Variants in FAM53B observed in about 807,000 individuals in gnomAD.
FAM53B encodes the protein protein FAM53B.
Under a neutral mutation model 32.7 loss-of-function variants are expected in FAM53B, and 12 were observed. The observed-to-expected ratio is 0.37, with a 90% confidence interval of 0.24 to 0.59. The LOEUF is 0.59. FAM53B is among the 20% of genes least tolerant of loss of function. The probability of loss-of-function intolerance (pLI) is 0.72; values close to 1 mark genes in which losing one functional copy is unlikely to be tolerated. For synonymous variants in FAM53B, 234 were observed against 228.7 expected (o/e 1.02, Z -0.21); for missense variants, 477 against 577.7 (o/e 0.83, Z 1.79).
chr10:124,699,889 T>C (rs1227911493), intron 2 of FAM53B, among the ~76,000 whole-genome samples: 3 of 152,192 alleles, frequency 2.0e-5, no homozygotes, highest in African/African-American at 7.2e-5. Context: ...CACCCTGCCC[T>C]TTCTGAGGCC....
In FAM53B at chr10:124,706,744, C is replaced by T. The variant is rs1167542953; in HGVS notation, c.-31G>A. The T allele has an allele frequency of 5.0e-6, 8 of 1,613,834 alleles. No homozygotes were observed. The highest frequency in any genetic ancestry group is 6.8e-6 in the Non-Finnish European group (8 of 1,179,974). ...GGGCCTCAGGCGCTGGGCTCCATCC[C>T]AGGGTGGGTATCAGCCATCTTCACT... On this transcript the variant is annotated 5_prime_UTR_variant, in exon 2 of 5. Coordinates refer to ENST00000337318, the MANE Select transcript of FAM53B (RefSeq NM_014661.4).
At position 124,632,196 on chromosome 10, in the gene FAM53B, A is replaced by T. The variant is rs926986465; in HGVS notation, c.907-8592T>A. On this transcript the variant is annotated intron_variant, in intron 4 of 4. Transcript: ENST00000337318. ...TGGCGACGTTTCTGCACCAGGCCCC[A>T]GATGGCAGATGGCCTGCCCGAACAC... Among the ~76,000 whole-genome samples, 8 of 152,366 alleles carry T rather than the reference A, an allele frequency of 5.3e-5. No individual in the cohort carries two copies. In the South Asian group the frequency reaches 1.7e-3, roughly 32 times the overall value.
chr10:124,725,804 C>T (rs916627715), intron 1 of FAM53B, among the ~76,000 whole-genome samples: 19 of 152,032 alleles, frequency 1.2e-4, no homozygotes, highest in African/African-American at 3.9e-4. Flanking sequence ...GATGGCTGAA[C>T]GGAAAACAAA....
intron 4 of FAM53B, among the ~76,000 whole-genome samples, chr10:124,677,208 C>T (rs142982184): frequency 9.2e-5 from 14 of 152,340 alleles, no homozygotes; most frequent in South Asian, 2.1e-4. Flanking sequence ...TCAAGTCTTG[C>T]TGGGAGCCAA....
At chr10:124,656,244 C>A (rs983907336) in intron 4 of FAM53B, among the ~76,000 whole-genome samples, 1 of 152,272 alleles carries the variant, frequency 6.6e-6, no homozygotes, top group Non-Finnish European at 1.5e-5. Context: ...TGCTCACTTA[C>A]AGCAGGCACT....
chr10:124,656,228 T>C (rs556498769), intron 4 of FAM53B, among the ~76,000 whole-genome samples: 50 of 152,356 alleles, frequency 3.3e-4, no homozygotes, highest in African/African-American at 1.1e-3. Context: ...AAGAGGCGTC[T>C]AGGTTTGCTC....
intron 4 of FAM53B, among the ~76,000 whole-genome samples, chr10:124,678,343 A>G (rs1320817610): frequency 6.6e-6 from 1 of 152,214 alleles, no homozygotes; most frequent in African/African-American, 2.4e-5. Flanking sequence ...ATATCAACAG[A>G]TGTGGACACA....
chr10:124,721,747 T>C (rs754216950), intron 1 of FAM53B, among the ~76,000 whole-genome samples: 13 of 152,248 alleles, frequency 8.5e-5, no homozygotes, highest in Non-Finnish European at 1.6e-4. Flanking sequence ...CGTGCGGTTC[T>C]ATCCTCCTTA....
chr10:124,650,822 C>T (rs943879146), intron 4 of FAM53B, among the ~76,000 whole-genome samples: 1 of 152,092 alleles, frequency 6.6e-6, no homozygotes, highest in Non-Finnish European at 1.5e-5. Context: ...CCATTTGTTT[C>T]GAGAGAGAGA....
intron 4 of FAM53B, among the ~76,000 whole-genome samples, chr10:124,678,289 T>G (rs1197432530): frequency 1.3e-5 from 2 of 152,170 alleles, no homozygotes; most frequent in African/African-American, 4.8e-5. Flanking sequence ...GCCAATGCAC[T>G]GGGGGGAGTG....
At chr10:124,667,737 C>T (rs1362320474) in intron 4 of FAM53B, among the ~76,000 whole-genome samples, 13 of 152,250 alleles carry the variant, frequency 8.5e-5, no homozygotes, top group Admixed American at 8.5e-4. Flanking sequence ...ATAATGCCTC[C>T]AGAAATGCCT....
At chr10:124,653,777 A>G (rs1949570063) in intron 4 of FAM53B, among the ~76,000 whole-genome samples, 1 of 152,214 alleles carries the variant, frequency 6.6e-6, no homozygotes, top group South Asian at 2.1e-4. Flanking sequence ...GCAAGAACGC[A>G]CTTTGGGACC....
intron 4 of FAM53B, among the ~76,000 whole-genome samples, chr10:124,665,961 C>T (rs1464231991): frequency 1.3e-5 from 2 of 152,232 alleles, no homozygotes; most frequent in Non-Finnish European, 2.9e-5. Context: ...CTGTAGCCTG[C>T]ACCTACCTTG....
chr10:124,653,662 T>A (rs1168509511), intron 4 of FAM53B, among the ~76,000 whole-genome samples: 1 of 152,180 alleles, frequency 6.6e-6, no homozygotes, highest in East Asian at 1.9e-4. Flanking sequence ...CTTCTCAGGG[T>A]AACCTTGGCC....
intron 4 of FAM53B, among the ~76,000 whole-genome samples, chr10:124,644,737 C>G (rs1046592112): frequency 2.0e-5 from 3 of 152,064 alleles, no homozygotes; most frequent in Non-Finnish European, 2.9e-5. Context: ...GCAGATGGGT[C>G]CTGGGGGTGG....
chr10:124,642,995 G>A (rs1949487077), intron 4 of FAM53B, among the ~76,000 whole-genome samples: 1 of 152,178 alleles, frequency 6.6e-6, no homozygotes, highest in Non-Finnish European at 1.5e-5. Context: ...ACGGTATCGT[G>A]GGACCTGTCG....
At chr10:124,667,643 G>A (rs1000748738) in intron 4 of FAM53B, among the ~76,000 whole-genome samples, 3 of 152,140 alleles carry the variant, frequency 2.0e-5, no homozygotes, top group African/African-American at 4.8e-5. Context: ...CCCCATTCTC[G>A]CACTACAGCC....
In FAM53B at chr10:124,706,659, A is replaced by G; in HGVS notation, c.55T>C (p.Cys19Arg). The G allele has an allele frequency of 6.2e-7, 1 of 1,614,230 alleles. No homozygotes were observed. Among genetic ancestry groups the G allele is most frequent in the Non-Finnish European group, 8.5e-7 (1 of 1,180,038 alleles). The change falls in exon 2 of 5, where the codon TGT becomes CGT. Residue 19 changes from cysteine (C) to arginine (R), a missense_variant. By Grantham distance (180) the Cys-to-Arg change is radical (BLOSUM62 -3). This residue lies in a region of FAM53B where 312 missense variants were observed against 420.2 expected (regional missense o/e 0.74). Coordinates refer to ENST00000337318, the MANE Select transcript of FAM53B (RefSeq NM_014661.4). The stretch of plus-strand genomic sequence containing the variant: ...ACCAGTTCACGGCTGAAGGTCCCAC[A>G]TGCAATGGAGTCAGCTCCCCGGGTG... ...LSTRGADSIA[C>R]GTFSRELHTP...
At chr10:124,718,900 TAGCC>T (rs1343442446) in intron 1 of FAM53B, among the ~76,000 whole-genome samples, 1 of 152,086 alleles carries the variant, frequency 6.6e-6, no homozygotes, top group Non-Finnish European at 1.5e-5. Context: ...ATTTAAAAAA[TAGCC>T]AGGTATGGTG....
Sources: gnomAD v4.1 joint callset for allele counts (sites outside exome capture counted in the v4.1 genomes callset) on GRCh38, gnomAD v4.1.1 for gene constraint, gnomAD v4.1.1 regional missense constraint, MANE v1.5 for transcripts, NCBI Gene and HGNC (gene_info 2026-07-23, HGNC 2026-07-21) for gene names.